RUNDC1: variants seen among roughly 807,000 people sequenced by gnomAD.
The protein encoded by RUNDC1 is RUN domain containing 1.
RUNDC1 carries 31 observed loss-of-function variants against 49.3 expected under a neutral mutation model. The ratio of observed to expected loss-of-function variants is 0.63; its 90% confidence interval spans 0.47 to 0.85. The LOEUF is 0.85. Ranked by LOEUF, RUNDC1 falls within the 40% of genes least tolerant of loss-of-function variation. The pLI, the probability that RUNDC1 is intolerant of heterozygous loss-of-function variation, is 0.00. For missense variants in RUNDC1, 715 were observed against 806.7 expected (o/e 0.89, Z 1.38); for synonymous variants, 347 against 348.6 (o/e 1.00, Z 0.05).
chr17:42,994,795 C>G lies in RUNDC1; in HGVS notation c.*3079C>G, dbSNP rs953004634. 2.6e-5 allele frequency among the ~76,000 whole-genome samples: 4 copies of G among 152,190 alleles called. No individual in the cohort carries two copies. Among genetic ancestry groups the G allele is most frequent in the African/African-American group, 9.7e-5 (4 of 41,448 alleles). ...ATCTGTCATTACTGAGAACAGAGCT[C>G]TGTCCTTCACTTAGGGTGAGACAGG... On this transcript the variant is annotated 3_prime_UTR_variant, in exon 5 of 5. Coordinates refer to ENST00000361677, the MANE Select transcript of RUNDC1 (RefSeq NM_173079.5).
intron 3 of RUNDC1, among the ~76,000 whole-genome samples, chr17:42,989,788 C>T (rs2050215252): frequency 6.6e-6 from 1 of 151,996 alleles, no homozygotes; most frequent in African/African-American, 2.4e-5. Flanking sequence ...GCTCCCACCA[C>T]CCCACCCAGC....
intron 4 of RUNDC1, among the ~76,000 whole-genome samples, 162 bp downstream of exon 4, chr17:42,990,598 A>C (rs1160979059): frequency 6.6e-6 from 1 of 152,258 alleles, no homozygotes; most frequent in Non-Finnish European, 1.5e-5. Context: ...TTGCAGTGAC[A>C]GTTATACAAT....
intron 4 of RUNDC1, 132 bp from the exon 5 acceptor site, chr17:42,990,719 A>G: frequency 1.9e-6 from 2 of 1,062,500 alleles, no homozygotes; most frequent in Non-Finnish European, 2.7e-6. Context: ...AAGTCCAGCT[A>G]CATCCTGGGT....
chr17:42,988,788 GA>G (rs1391328418), intron 2 of RUNDC1, among the ~76,000 whole-genome samples: 1 of 152,016 alleles, frequency 6.6e-6, no homozygotes, highest in Non-Finnish European at 1.5e-5. Context: ...AGGCCAGCCT[GA>G]GCAACATAAC....
At chr17:42,989,923 C>T (rs909473100) in intron 3 of RUNDC1, among the ~76,000 whole-genome samples, 11 of 152,152 alleles carry the variant, frequency 7.2e-5, no homozygotes, top group African/African-American at 2.4e-4. Flanking sequence ...GCATGAGCCA[C>T]CATGCCCAGC....
intron 1 of RUNDC1, among the ~76,000 whole-genome samples, chr17:42,985,121 A>G (rs1287285812): frequency 6.6e-6 from 1 of 152,034 alleles, no homozygotes; most frequent in Admixed American, 6.6e-5. Flanking sequence ...TCCTGACCTC[A>G]GGTGATCTGC....
rs747361282 is a variant in RUNDC1 at position 42,980,582 on chromosome 17, G to A, written c.6G>A (p.Ala2=). 4 of 1,609,384 alleles carry A rather than the reference G, an allele frequency of 2.5e-6. No homozygotes were observed. The highest frequency in any genetic ancestry group is 3.4e-6 in the Non-Finnish European group (4 of 1,178,986). The change falls in exon 1 of 5, where the codon GCG becomes GCA. Residue 2 remains alanine, a synonymous_variant. Transcript: ENST00000361677. M[A]AVEAAAEPVT... ...GCGGTGGTGTTTCCGGGAAGATGGC[G>A]GCTGTCGAAGCGGCTGCAGAGCCGG...
In RUNDC1 at chr17:42,994,845, C is replaced by T. The variant is rs908733051; in HGVS notation, c.*3129C>T. Reference sequence around the variant, plus strand: ...GACAAGGGAGGAGAGGCAGGCCAGTCCACCCAGATCCAAGGATATGCAAGA... The same window carrying T: ...GACAAGGGAGGAGAGGCAGGCCAGTTCACCCAGATCCAAGGATATGCAAGA... On this transcript the variant is annotated 3_prime_UTR_variant, in exon 5 of 5. Transcript: ENST00000361677. Among the ~76,000 whole-genome samples the T allele has an allele frequency of 1.3e-5, 2 of 152,140 alleles. No individual in the cohort carries two copies. The highest frequency in any genetic ancestry group is 2.9e-5 in the Non-Finnish European group (2 of 68,030).
In RUNDC1 at chr17:42,984,918, C is replaced by G. The variant is rs1382543608; in HGVS notation, c.499-2338C>G. Among the ~76,000 whole-genome samples the G allele has an allele frequency of 3.0e-5, 3 of 99,568 alleles. No homozygotes were observed. In the East Asian group the frequency reaches 1.0e-3, roughly 34 times the overall value. The allele number at this position is 99,568 out of a possible 152,430, so 65.3% of individuals were successfully genotyped here. ...TTTTTTTTTTTTTTTTTTTTGGACA[C>G]AGAGTCTTGCTGTGACACCCAGGCT... On this transcript the variant is annotated intron_variant, in intron 1 of 4. Coordinates refer to ENST00000361677, the MANE Select transcript of RUNDC1 (RefSeq NM_173079.5).
At chr17:42,987,226 A>G in intron 1 of RUNDC1, 30 bp from the exon 2 acceptor site, 1 of 1,607,474 alleles carries the variant, frequency 6.2e-7, no homozygotes, top group Non-Finnish European at 8.5e-7. Context: ...CTTTGCCTGC[A>G]TAATAGACCC....
rs1249601042 is a variant in RUNDC1 at position 42,980,785 on chromosome 17, G to A, written c.209G>A (p.Gly70Asp). Residue 70 changes from glycine (G) to aspartate (D), a missense_variant, in exon 1 of 5, where the codon GGC (glycine) becomes GAC (aspartate). This residue lies in a region of RUNDC1 where 153 missense variants were observed against 139.4 expected (regional missense o/e 1.10). Transcript: ENST00000361677. ...GCCGAGGAGCCTGGCGCGGCCCCGGGCTCCCCGCCGGATTCGCCGGGCCGG... is the reference window on the plus strand; with the variant it reads ...GCCGAGGAGCCTGGCGCGGCCCCGGACTCCCCGCCGGATTCGCCGGGCCGG... ...ATAEEPGAAP[G>D]SPPDSPGRTL... 7.0e-7 allele frequency: 1 copy of A among 1,421,446 alleles called. No homozygotes were observed. Among genetic ancestry groups the A allele is most frequent in the Non-Finnish European group, 9.1e-7 (1 of 1,098,314 alleles). The allele number at this position is 1,421,446 out of a possible 1,614,324, so 88.1% of individuals were successfully genotyped here. A position where few individuals can be genotyped will look rare whatever the true frequency, so the allele number is the denominator to read the frequency against.
chr17:42,983,464 C>T (rs2050130364), intron 1 of RUNDC1, among the ~76,000 whole-genome samples: 1 of 146,822 alleles, frequency 6.8e-6, no homozygotes, highest in South Asian at 2.2e-4. Flanking sequence ...GCAGCCTTGA[C>T]TCCCAGGCTC....
chr17:42,992,438 G>C lies in RUNDC1; in HGVS notation c.*722G>C. On this transcript the variant is annotated 3_prime_UTR_variant, in exon 5 of 5. Transcript: ENST00000361677. Reference sequence around the variant, plus strand: ...ACAAAAATTAGCTAGGCGGGGTAGTGCATGCCTGTAATCCCAGCTACTCAG... The same window carrying C: ...ACAAAAATTAGCTAGGCGGGGTAGTCCATGCCTGTAATCCCAGCTACTCAG... The C allele has an allele frequency of 1.3e-5, 2 of 150,524 alleles. No individual in the cohort carries two copies. The highest frequency in any genetic ancestry group is 3.0e-5 in the Non-Finnish European group (2 of 67,714). The allele number at this position is 150,524 out of a possible 1,614,324, so 9.3% of individuals were successfully genotyped here. A position where few individuals can be genotyped will look rare whatever the true frequency, so the allele number is the denominator to read the frequency against.
intron 2 of RUNDC1, among the ~76,000 whole-genome samples, chr17:42,988,021 G>A (rs1336359937): frequency 6.6e-6 from 1 of 152,070 alleles, no homozygotes; most frequent in Non-Finnish European, 1.5e-5. Flanking sequence ...CAAAGTGCTG[G>A]GATTACAGGC....
rs1172237258 is a variant in RUNDC1, at chr17:42,993,536, A to G, written c.*1820A>G. On this transcript the variant is annotated 3_prime_UTR_variant, in exon 5 of 5. Coordinates refer to ENST00000361677, the MANE Select transcript of RUNDC1 (RefSeq NM_173079.5). ...CTTCCCTGTGAAACAAGAGAATTGTAAAATGTTGTGGAAAATGATACATAT... is the reference window on the plus strand; with the variant it reads ...CTTCCCTGTGAAACAAGAGAATTGTGAAATGTTGTGGAAAATGATACATAT... 6.6e-6 allele frequency: 1 copy of G among 152,234 alleles called. No homozygotes were observed. The highest frequency in any genetic ancestry group is 1.5e-5 in the Non-Finnish European group (1 of 68,044). 9.4% of individuals were successfully genotyped at this position (152,234 alleles called of 1,614,324 possible). A position where few individuals can be genotyped will look rare whatever the true frequency, so the allele number is the denominator to read the frequency against.
intron 1 of RUNDC1, among the ~76,000 whole-genome samples, chr17:42,984,631 CTT>C (rs535800685): frequency 3.2e-4 from 49 of 152,246 alleles, no homozygotes; most frequent in Non-Finnish European, 4.4e-4. Context: ...ATTGTTCTCT[CTT>C]GTTTGCCCAC....
chr17:42,990,206 A>T, intron 3 of RUNDC1, 111 bp from the exon 4 acceptor site: 33 of 1,416,052 alleles, frequency 2.3e-5, no homozygotes, highest in Non-Finnish European at 3.2e-5. Flanking sequence ...TAAATAGGAC[A>T]AGAGTTTGTG....
At position 42,992,013 on chromosome 17, in the gene RUNDC1, G is replaced by C; in HGVS notation, c.*297G>C. 1 of 350,946 alleles carries C rather than the reference G, an allele frequency of 2.8e-6. No homozygotes were observed. 21.7% of individuals were successfully genotyped at this position (350,946 alleles called of 1,614,324 possible). A position where few individuals can be genotyped will look rare whatever the true frequency, so the allele number is the denominator to read the frequency against. ...GCGGATCACAAGGTCAGGAGTTCGA[G>C]ACCATCCTGTCTAACACGGTGAAAC... is the stretch of plus-strand genomic sequence containing the variant. On this transcript the variant is annotated 3_prime_UTR_variant, in exon 5 of 5. Coordinates refer to ENST00000361677, the MANE Select transcript of RUNDC1 (RefSeq NM_173079.5).
intron 1 of RUNDC1, 134 bp downstream of exon 1, chr17:42,981,208 A>G (rs1285618045): frequency 1.7e-5 from 20 of 1,199,066 alleles, no homozygotes; most frequent in Non-Finnish European, 2.0e-5. Context: ...GTCGGAGACC[A>G]GGGGACTGGA....
Sources: gnomAD v4.1 joint callset for allele counts (sites outside exome capture counted in the v4.1 genomes callset) on GRCh38, gnomAD v4.1.1 for gene constraint, gnomAD v4.1.1 regional missense constraint, MANE v1.5 for transcripts, NCBI Gene and HGNC (gene_info 2026-07-23, HGNC 2026-07-21) for gene names.